RAPGEF1: variants seen among roughly 807,000 people sequenced by gnomAD.
The protein encoded by RAPGEF1 is Rap guanine nucleotide exchange factor 1.
Under a neutral mutation model 143.3 loss-of-function variants are expected in RAPGEF1, and 33 were observed. The ratio of observed to expected loss-of-function variants is 0.23; its 90% CI spans 0.17 to 0.31. The LOEUF (loss-of-function observed/expected upper bound fraction) is 0.31. Ranked by LOEUF, RAPGEF1 falls within the 10% of genes least tolerant of loss-of-function variation. The pLI, the probability that RAPGEF1 is intolerant of heterozygous loss-of-function variation, is 1.00. For synonymous variants in RAPGEF1, 629 were observed against 676.5 expected, an observed-to-expected ratio of 0.93 and a Z score of 1.09; for missense variants, 1,199 against 1,645.4, an observed-to-expected ratio of 0.73 and a Z score of 4.69.
chr9:131,705,237 A>C (rs1375040626), intron 1 of RAPGEF1, among the ~76,000 whole-genome samples: 2 of 152,188 alleles, frequency 1.3e-5, no homozygotes, highest in South Asian at 2.1e-4. Context: ...ACCAGCAGGG[A>C]AACTGCAGCC....
intron 1 of RAPGEF1, among the ~76,000 whole-genome samples, chr9:131,690,645 G>C (rs1466323972): frequency 6.6e-6 from 1 of 152,000 alleles, no homozygotes; most frequent in Non-Finnish European, 1.5e-5. Context: ...CCAAAAAAAG[G>C]ATACAAAATT....
Position 131,621,767 on chromosome 9 carries a change from T to C in RAPGEF1, c.1905+29A>G. The C allele has an allele frequency of 6.3e-7, 1 of 1,576,542 alleles. No homozygotes were observed. The highest frequency in any genetic ancestry group is 8.6e-7 in the Non-Finnish European group (1 of 1,161,710). ...CCTAGAGACCTGCTAGGATCGGAAG[T>C]TCTAGTCACAAGGGAAGGTGTCACT... On this transcript the variant is annotated intron_variant, in intron 11 of 26. Coordinates refer to ENST00000683357, the MANE Select transcript of RAPGEF1 (RefSeq NM_001377935.1). This position sits in a 1 kb window ranked among gnomAD's most constrained non-coding sequence, Gnocchi z 4.5.
At chr9:131,615,114 C>T (rs1370766052) in intron 12 of RAPGEF1, among the ~76,000 whole-genome samples, 2 of 152,042 alleles carry the variant, frequency 1.3e-5, no homozygotes, top group Non-Finnish European at 2.9e-5. Flanking sequence ...GCTCTGTTGC[C>T]CAGGCTGGAG....
chr9:131,620,024 A>G (rs953200445), intron 11 of RAPGEF1, among the ~76,000 whole-genome samples: 2 of 152,070 alleles, frequency 1.3e-5, no homozygotes, highest in Non-Finnish European at 1.5e-5. Context: ...TGTGGCAGGG[A>G]CCATGTAGAG....
At chr9:131,688,705 C>T (rs538062885) in intron 1 of RAPGEF1, among the ~76,000 whole-genome samples, 3 of 152,046 alleles carry the variant, frequency 2.0e-5, no homozygotes, top group South Asian at 2.1e-4. Flanking sequence ...GCCAGGAGTT[C>T]GTGACCAGCC....
At chr9:131,677,082 T>C (rs1462104073) in intron 1 of RAPGEF1, among the ~76,000 whole-genome samples, 2 of 152,222 alleles carry the variant, frequency 1.3e-5, no homozygotes, top group Non-Finnish European at 2.9e-5. Context: ...ACTGACTTCA[T>C]TTACCCCAAA....
intron 1 of RAPGEF1, among the ~76,000 whole-genome samples, chr9:131,728,902 A>C (rs1836843292): frequency 6.6e-6 from 1 of 152,230 alleles, no homozygotes; most frequent in Non-Finnish European, 1.5e-5. Flanking sequence ...CAATACCATA[A>C]GGTAGGTACT....
rs897677900 is a variant in RAPGEF1 at position 131,667,745 on chromosome 9, G to A, written c.62-16796C>T. Among the ~76,000 whole-genome samples the A allele has an allele frequency of 4.6e-5, 7 of 152,268 alleles. 1 individual carries two copies. The South Asian group carries it at 1.0e-3, about 23-fold the overall frequency. On this transcript the variant is annotated intron_variant, in intron 1 of 26. Coordinates refer to ENST00000683357, the MANE Select transcript of RAPGEF1 (RefSeq NM_001377935.1). The surrounding 1 kb of genome is among the most constrained non-coding windows in gnomAD (Gnocchi z 4.6). The stretch of plus-strand genomic sequence containing the variant: ...ATCCACGTATTCCCGTCCCACCCAC[G>A]TCTCAGATGGAAGGGAAAGGCCGTC...
intron 1 of RAPGEF1, among the ~76,000 whole-genome samples, chr9:131,692,506 A>G (rs185720638): frequency 6.6e-6 from 1 of 152,312 alleles, no homozygotes; most frequent in East Asian, 1.9e-4. Flanking sequence ...GTATATTATG[A>G]GGGACAGGTC....
At chr9:131,611,082 A>G (rs981782846) in intron 12 of RAPGEF1, among the ~76,000 whole-genome samples, 1 of 152,196 alleles carries the variant, frequency 6.6e-6, no homozygotes, top group African/African-American at 2.4e-5. Flanking sequence ...TAAAACAATA[A>G]CTATACCTTA....
At chr9:131,700,065 GA>G (rs1564180060) in intron 1 of RAPGEF1, among the ~76,000 whole-genome samples, 1 of 152,064 alleles carries the variant, frequency 6.6e-6, no homozygotes, top group African/African-American at 2.4e-5. Context: ...CTCCTGCTTC[GA>G]AAGTCAACCT....
intron 25 of RAPGEF1, among the ~76,000 whole-genome samples, chr9:131,580,981 C>T (rs1328237028): frequency 1.3e-5 from 2 of 151,868 alleles, no homozygotes; most frequent in Non-Finnish European, 2.9e-5. Context: ...CCTGTCTCTA[C>T]TAAAAATACA....
At chr9:131,586,212 A>ATG (rs111733424) in intron 22 of RAPGEF1, among the ~76,000 whole-genome samples, 12,321 of 142,198 alleles carry the variant, frequency 0.087, 659 homozygotes, top group Middle Eastern at 0.23. Flanking sequence ...ACACACACGC[A>ATG]CGCACACACA....
In RAPGEF1 at chr9:131,638,874, G is replaced by A. The variant is rs1030362153; in HGVS notation, c.495-83C>T. The A allele has an allele frequency of 1.4e-5, 19 of 1,387,208 alleles. No individual in the cohort carries two copies. In the African/African-American group the frequency reaches 1.5e-4, roughly 11 times the overall value. 85.9% of individuals were successfully genotyped at this position (1,387,208 alleles called of 1,614,324 possible). ...ACAGAGCCAGCTTCTCGGTGACAAGGGTGTGTTTCTCCAACTTTCTTTGTG... is the reference window on the plus strand; with the variant it reads ...ACAGAGCCAGCTTCTCGGTGACAAGAGTGTGTTTCTCCAACTTTCTTTGTG... On this transcript the variant is annotated intron_variant, in intron 4 of 26. Coordinates refer to ENST00000683357, the MANE Select transcript of RAPGEF1 (RefSeq NM_001377935.1).
intron 12 of RAPGEF1, among the ~76,000 whole-genome samples, chr9:131,611,430 ATTAAG>A (rs1311992423): frequency 6.6e-6 from 1 of 152,236 alleles, no homozygotes; most frequent in Non-Finnish European, 1.5e-5. Context: ...AAAGTTCCTT[ATTAAG>A]TTCCTTCTCA....
In RAPGEF1 at chr9:131,739,762, C is replaced by A; in HGVS notation, c.61+8G>T. The A allele has an allele frequency of 1.7e-6, 2 of 1,164,058 alleles. No individual in the cohort carries two copies. Among genetic ancestry groups the A allele is most frequent in the Non-Finnish European group, 2.2e-6 (2 of 928,208 alleles). The allele number at this position is 1,164,058 out of a possible 1,614,324, so 72.1% of individuals were successfully genotyped here. On this transcript the variant is annotated splice_region_variant and intron_variant, in intron 1 of 26. Coordinates refer to ENST00000683357, the MANE Select transcript of RAPGEF1 (RefSeq NM_001377935.1). ...GCCGGAGGGAGCCGCCCCACGCCCG[C>A]GCCTCACCTGCTTTCTCGATCTTGC...
Position 131,586,765 on chromosome 9 carries a change from C to T in RAPGEF1, c.3233+971G>A, listed in dbSNP as rs1362208890. Among the ~76,000 whole-genome samples, 12 of 116,958 alleles carry T rather than the reference C, an allele frequency of 1.0e-4. 2 individuals carry two copies. The highest frequency in any genetic ancestry group is 3.5e-4 in the African/African-American group (10 of 28,184). 76.7% of individuals were successfully genotyped at this position (116,958 alleles called of 152,430 possible). On this transcript the variant is annotated intron_variant, in intron 22 of 26. Transcript: ENST00000683357. Reference sequence around the variant, plus strand: ...ACCTGCAGAGCGAGACTCCGTCTCACACACACACCTGCAGAGCGAGACTCC... The same window carrying T: ...ACCTGCAGAGCGAGACTCCGTCTCATACACACACCTGCAGAGCGAGACTCC...
At chr9:131,606,223 G>A (rs898963675) in intron 12 of RAPGEF1, among the ~76,000 whole-genome samples, 3 of 152,198 alleles carry the variant, frequency 2.0e-5, no homozygotes, top group Non-Finnish European at 2.9e-5. Flanking sequence ...GAGCACCCCC[G>A]GCTGGGGCTC....
At chr9:131,596,875 G>A (rs537053212) in intron 16 of RAPGEF1, among the ~76,000 whole-genome samples, 1 of 152,358 alleles carries the variant, frequency 6.6e-6, no homozygotes, top group African/African-American at 2.4e-5. Context: ...GGTGGAAGTA[G>A]AAGTTACTTG....
Sources: allele counts gnomAD v4.1 joint callset (sites outside exome capture counted in the v4.1 genomes callset), GRCh38; gene constraint gnomAD v4.1.1; non-coding constraint Gnocchi (gnomAD v3.1); transcripts MANE v1.5; gene names NCBI Gene and HGNC (gene_info 2026-07-23, HGNC 2026-07-21).